Variants in CENPH observed in about 807,000 individuals in gnomAD.
CENPH encodes CENP-H.
In CENPH, 40 loss-of-function variants were observed where a neutral mutation model predicts 42.9. The ratio of observed to expected loss-of-function variants is 0.93; its 90% confidence interval spans 0.72 to 1.21. CENPH has a LOEUF of 1.21. CENPH is among the 50% of genes most tolerant of loss of function. The pLI, the probability that CENPH is intolerant of heterozygous loss-of-function variation, is 0.00. For synonymous variants in CENPH, 88 were observed against 96.5 expected, an observed-to-expected ratio of 0.91 and a Z score of 0.52; for missense variants, 302 against 292.9, an observed-to-expected ratio of 1.03 and a Z score of -0.23.
intron 2 of CENPH, among the ~76,000 whole-genome samples, chr5:69,192,229 A>G (rs1013615056): frequency 6.6e-6 from 1 of 152,244 alleles, no homozygotes; most frequent in African/African-American, 2.4e-5. Context: ...TTTATGAAGT[A>G]TGCTAAGTGT....
intron 7 of CENPH, 55 bp from the exon 8 acceptor site, chr5:69,208,141 T>C (rs1379580370): frequency 2.3e-5 from 21 of 904,926 alleles, no homozygotes; most frequent in Non-Finnish European, 3.3e-5. Context: ...TTTTTCAAGA[T>C]CCTTGTTTAT....
rs564985087 is a variant in CENPH at position 69,192,763 on chromosome 5, A to G, written c.190+913A>G. On this transcript the variant is annotated intron_variant, in intron 2 of 8. Coordinates refer to ENST00000283006, the MANE Select transcript of CENPH (RefSeq NM_022909.4). ...GGCAACAGAGTGAGACTGTCAGGCA[A>G]TCAACAGAGAAATAAGTATTGATTC... Among the ~76,000 whole-genome samples the G allele has an allele frequency of 1.6e-4, 24 of 152,278 alleles. No homozygotes were observed. The South Asian group carries it at 4.6e-3, about 29-fold the overall frequency.
intron 7 of CENPH, 110 bp from the exon 8 acceptor site, chr5:69,208,086 A>G (rs1458506170): frequency 2.0e-5 from 11 of 539,606 alleles, no homozygotes; most frequent in African/African-American, 1.6e-4. Flanking sequence ...GCTTATTAAA[A>G]TTTTTCTCTT....
In CENPH at chr5:69,194,661, C is replaced by G. The variant is rs760408621; in HGVS notation, c.205C>G (p.Pro69Ala). ...SMVDASEEKTPEQIMQEKQIE... is the reference protein window; with the variant it reads ...SMVDASEEKTAEQIMQEKQIE... ...TTTATTTGCAGGTGAAGAAAAAACTCCAGAACAAATTATGCAAGAAAAGCA... is the reference window on the plus strand; with the variant it reads ...TTTATTTGCAGGTGAAGAAAAAACTGCAGAACAAATTATGCAAGAAAAGCA... The change falls in exon 3 of 9, where the codon CCA becomes GCA. Residue 69 changes from proline (P) to alanine (A), a missense_variant. Pro to Ala is a conservative substitution (Grantham distance 27). Coordinates refer to ENST00000283006, the MANE Select transcript of CENPH (RefSeq NM_022909.4). The G allele has an allele frequency of 1.9e-6, 3 of 1,588,498 alleles. No homozygotes were observed. Among genetic ancestry groups the G allele is most frequent in the Non-Finnish European group, 2.6e-6 (3 of 1,165,110 alleles).
At chr5:69,192,107 T>G (rs1747882510) in intron 2 of CENPH, among the ~76,000 whole-genome samples, 1 of 152,148 alleles carries the variant, frequency 6.6e-6, no homozygotes, top group Non-Finnish European at 1.5e-5. Flanking sequence ...TGGCCTCAAA[T>G]AAGATTTTGT....
At chr5:69,192,291 T>C (rs534618559) in intron 2 of CENPH, among the ~76,000 whole-genome samples, 1 of 152,326 alleles carries the variant, frequency 6.6e-6, no homozygotes, top group Non-Finnish European at 1.5e-5. Context: ...TTCATAGGGA[T>C]GGCTTCTCTA....
At chr5:69,205,482 C>T (rs1748139314) in intron 7 of CENPH, among the ~76,000 whole-genome samples, 2 of 152,132 alleles carry the variant, frequency 1.3e-5, no homozygotes, top group South Asian at 2.1e-4. Flanking sequence ...CCGCCTCTGC[C>T]TCCCAAAGTG....
chr5:69,207,214 A>T (rs774299462), intron 7 of CENPH, among the ~76,000 whole-genome samples: 9 of 151,156 alleles, frequency 6.0e-5, no homozygotes, highest in South Asian at 2.1e-4. Context: ...CCTGAGACAG[A>T]GTTTCACTCT....
At position 69,209,752 on chromosome 5, in the gene CENPH, C is replaced by T. The variant is rs1748217268; in HGVS notation, c.697C>T (p.Leu233Phe). The change falls in exon 9 of 9, where the codon CTT becomes TTT. Residue 233 changes from leucine (L) to phenylalanine (F), a missense_variant. Leu to Phe is a conservative substitution (Grantham distance 22). Transcript: ENST00000283006. ...SKVNWAEDPA[L>F]KEIVLQLEKN... ...AGTCAATTGGGCAGAGGATCCTGCC[C>T]TTAAGGAAATTGTTCTGCAGCTTGA... is the stretch of plus-strand genomic sequence containing the variant. 8.1e-6 allele frequency: 13 copies of T among 1,605,732 alleles called. No individual in the cohort carries two copies. The highest frequency in any genetic ancestry group is 1.1e-5 in the Non-Finnish European group (13 of 1,174,518).
At chr5:69,196,175 G>A (rs768998151) in intron 4 of CENPH, among the ~76,000 whole-genome samples, 22 of 151,926 alleles carry the variant, frequency 1.4e-4, no homozygotes, top group Non-Finnish European at 2.5e-4. Flanking sequence ...AGGCTCAGGC[G>A]ATCTTCTCAC....
chr5:69,209,828 T>C lies in CENPH; in HGVS notation c.*29T>C. The C allele has an allele frequency of 1.6e-6, 2 of 1,282,606 alleles. No homozygotes were observed. 79.5% of individuals were successfully genotyped at this position (1,282,606 alleles called of 1,614,324 possible). On this transcript the variant is annotated 3_prime_UTR_variant, in exon 9 of 9. Coordinates refer to ENST00000283006, the MANE Select transcript of CENPH (RefSeq NM_022909.4). ...GAATTCATTTCTGACATATTTTACA[T>C]TTCTGGCAATCTCAACTCTTATTTG...
At position 69,206,005 on chromosome 5, in the gene CENPH, G is replaced by A. The variant is rs141653824; in HGVS notation, c.488-2191G>A. ...ATTACAGGCATGAGCCACCATGCCC[G>A]GCCTTTTTTTCTGTAGATTTCTTAA... On this transcript the variant is annotated intron_variant, in intron 7 of 8. Transcript: ENST00000283006. Among the ~76,000 whole-genome samples the A allele has an allele frequency of 0.019, 2,799 of 151,102 alleles. 132 individuals are homozygous for A. The East Asian group carries it at 0.2, about 11-fold the overall frequency.
intron 7 of CENPH, among the ~76,000 whole-genome samples, chr5:69,204,063 A>G (rs1368147402): frequency 1.0e-5 from 1 of 99,198 alleles, no homozygotes; most frequent in East Asian, 3.0e-4. Context: ...ATATATATAA[A>G]TATATATAAT....
At chr5:69,197,185 A>G in intron 5 of CENPH, 76 bp downstream of exon 5, 1 of 890,136 alleles carries the variant, frequency 1.1e-6, no homozygotes, top group Non-Finnish European at 1.7e-6. Context: ...ATTTTAAAAA[A>G]TTATTACTGC....
Position 69,209,951 on chromosome 5 carries a change from G to A in CENPH, c.*152G>A, listed in dbSNP as rs1748220141. 2 of 423,572 alleles carry A rather than the reference G, an allele frequency of 4.7e-6. No homozygotes were observed. Among genetic ancestry groups the A allele is most frequent in the Admixed American group, 8.8e-5 (2 of 22,784 alleles). 26.2% of individuals were successfully genotyped at this position (423,572 alleles called of 1,614,324 possible). ...CAGTTGTGGTTAGTTATTTGTAGTGGGATTGAAAGTAATTTTTTTCTTTTT... is the reference window on the plus strand; with the variant it reads ...CAGTTGTGGTTAGTTATTTGTAGTGAGATTGAAAGTAATTTTTTTCTTTTT... On this transcript the variant is annotated 3_prime_UTR_variant, in exon 9 of 9. Transcript: ENST00000283006.
intron 5 of CENPH, among the ~76,000 whole-genome samples, chr5:69,201,319 G>T (rs1451673723): frequency 1.3e-5 from 2 of 151,966 alleles, no homozygotes; most frequent in Non-Finnish European, 2.9e-5. Context: ...CATAACTCTG[G>T]TTCATATTTG....
chr5:69,199,806 G>C (rs1748028345), intron 5 of CENPH, among the ~76,000 whole-genome samples: 1 of 152,016 alleles, frequency 6.6e-6, no homozygotes, highest in Non-Finnish European at 1.5e-5. Context: ...CAGTTTCACT[G>C]TTGACACCAA....
rs1445493322 is a variant in CENPH, at chr5:69,191,772, A to G, written c.135-23A>G. The G allele has an allele frequency of 2.1e-6, 3 of 1,442,130 alleles. No homozygotes were observed. The African/African-American group carries it at 4.2e-5, about 20-fold the overall frequency. 89.3% of individuals were successfully genotyped at this position (1,442,130 alleles called of 1,614,324 possible). ...CCTTAATCAATAAATATGTGACTTT[A>G]TATTCTCTTTATCTGTTTTCAGGCT... On this transcript the variant is annotated intron_variant, in intron 1 of 8. Coordinates refer to ENST00000283006, the MANE Select transcript of CENPH (RefSeq NM_022909.4).
At chr5:69,197,866 A>G (rs1399117649) in intron 5 of CENPH, among the ~76,000 whole-genome samples, 2 of 147,930 alleles carry the variant, frequency 1.4e-5, no homozygotes, top group African/African-American at 4.9e-5. Context: ...CTAGCAGGTC[A>G]GGTCCTCTGT....
Sources: gnomAD v4.1 joint callset for allele counts (sites outside exome capture counted in the v4.1 genomes callset) on GRCh38, gnomAD v4.1.1 for gene constraint, MANE v1.5 for transcripts, NCBI Gene and HGNC (gene_info 2026-07-23, HGNC 2026-07-21) for gene names.